Variants in STMN2 observed in about 807,000 individuals in gnomAD.
STMN2 encodes stathmin-2.
A neutral mutation model predicts 24.1 loss-of-function variants in STMN2; 2 were observed. The ratio of observed to expected loss-of-function variants is 0.08; its 90% CI spans 0.03 to 0.26. STMN2 has a LOEUF of 0.26. Ranked by LOEUF, STMN2 falls within the 10% of genes least tolerant of loss-of-function variation. STMN2 has a pLI of 1.00. For synonymous variants in STMN2, 83 were observed against 77.5 expected, an observed-to-expected ratio of 1.07 and a Z score of -0.37; for missense variants, 114 against 213.6, an observed-to-expected ratio of 0.53 and a Z score of 2.91.
chr8:79,657,195 C>T (rs577354966), intron 4 of STMN2, among the ~76,000 whole-genome samples: 215 of 152,248 alleles, frequency 1.4e-3, no homozygotes, highest in Non-Finnish European at 2.0e-3. Flanking sequence ...TTCTTGATTT[C>T]AATTGTAAAA....
intron 4 of STMN2, among the ~76,000 whole-genome samples, chr8:79,657,231 TCTAATATTTCCAGAAGTG>T (rs1279490317): frequency 6.6e-6 from 1 of 152,190 alleles, no homozygotes; most frequent in South Asian, 2.1e-4. Flanking sequence ...CCATATTTTA[TCTAATATTTCCAGAAGTG>T]CTAGCTTTTA....
rs1468763862 is a variant in STMN2, at chr8:79,641,371, T to G, written c.116-7T>G. On this transcript the variant is annotated splice_region_variant and splice_polypyrimidine_tract_variant and intron_variant, in intron 2 of 4. Transcript: ENST00000220876. ...ATGCTTAACATTCTCAAATGTTCAC[T>G]TTTCAGATATGGAAGTGAAGCAAAT... 6.2e-7 allele frequency: 1 copy of G among 1,611,774 alleles called. No individual in the cohort carries two copies. The highest frequency in any genetic ancestry group is 2.2e-5 in the East Asian group (1 of 44,860).
At chr8:79,620,270 T>A (rs965892165) in intron 1 of STMN2, among the ~76,000 whole-genome samples, 1 of 150,378 alleles carries the variant, frequency 6.6e-6, no homozygotes, top group African/African-American at 2.4e-5. Context: ...ATGTTATATA[T>A]CATGTATGTG....
intron 4 of STMN2, among the ~76,000 whole-genome samples, chr8:79,656,884 G>GTTTTTTTTTTTTTTTTTTTTTTTTTT (rs71266026): frequency 6.7e-6 from 1 of 150,206 alleles, no homozygotes; most frequent in Non-Finnish European, 1.5e-5. Context: ...TTGTTTGTTT[G>GTTTTTTTTTTTTTTTTTTTTTTTTTT]TTTTTTTGAG....
At chr8:79,620,069 C>G (rs1337843390) in intron 1 of STMN2, among the ~76,000 whole-genome samples, 1 of 151,092 alleles carries the variant, frequency 6.6e-6, no homozygotes, top group African/African-American at 2.4e-5. Context: ...GCATACTATA[C>G]AAGTTGTCTT....
chr8:79,624,408 T>G (rs893939641), intron 1 of STMN2, among the ~76,000 whole-genome samples: 1 of 139,412 alleles, frequency 7.2e-6, no homozygotes, highest in African/African-American at 2.7e-5. Context: ...GAGCCGAGAT[T>G]GTACCACTGC....
chr8:79,643,149 G>GTGTATATA (rs764308760), intron 3 of STMN2, among the ~76,000 whole-genome samples: 30 of 140,108 alleles, frequency 2.1e-4, no homozygotes, highest in Non-Finnish European at 3.1e-4. Flanking sequence ...ATGTGTGTGT[G>GTGTATATA]TATATATATA....
At chr8:79,664,716 G>C (rs994930666) in intron 4 of STMN2, 99 bp from the exon 5 acceptor site, 22 of 1,116,710 alleles carry the variant, frequency 2.0e-5, no homozygotes, top group Non-Finnish European at 2.5e-5. Flanking sequence ...ATTCATAAAA[G>C]TAGACACCAA....
chr8:79,639,927 C>T (rs949436533), intron 2 of STMN2, among the ~76,000 whole-genome samples: 2 of 152,188 alleles, frequency 1.3e-5, no homozygotes, highest in Non-Finnish European at 2.9e-5. Flanking sequence ...TGCGGCCGGG[C>T]GTGGTGGCTC....
chr8:79,658,586 T>C (rs1806429390), intron 4 of STMN2, among the ~76,000 whole-genome samples: 1 of 152,176 alleles, frequency 6.6e-6, no homozygotes, highest in African/African-American at 2.4e-5. Context: ...TCAAGGTCAC[T>C]ACACCATGCG....
At chr8:79,651,767 G>A (rs987842669) in intron 3 of STMN2, among the ~76,000 whole-genome samples, 4 of 152,224 alleles carry the variant, frequency 2.6e-5, no homozygotes, top group African/African-American at 9.6e-5. Context: ...CCTGTCTGAA[G>A]AGCAGCAGGC....
chr8:79,631,741 C>A (rs1809806153), intron 1 of STMN2, among the ~76,000 whole-genome samples: 1 of 152,112 alleles, frequency 6.6e-6, no homozygotes, highest in Non-Finnish European at 1.5e-5. Context: ...AATGGGATTA[C>A]ATATCTGACT....
chr8:79,638,857 C>T (rs1217678591), intron 2 of STMN2, among the ~76,000 whole-genome samples: 1 of 151,972 alleles, frequency 6.6e-6, no homozygotes, highest in Non-Finnish European at 1.5e-5. Context: ...ACCCCATCAC[C>T]TTATCAAATA....
intron 4 of STMN2, among the ~76,000 whole-genome samples, chr8:79,658,029 C>T (rs1184396422): frequency 6.6e-6 from 1 of 152,196 alleles, no homozygotes; most frequent in Admixed American, 6.5e-5. Context: ...GTGGCTCACA[C>T]CTGTAATCCC....
chr8:79,665,826 A>C lies in STMN2; in HGVS notation c.*952A>C, dbSNP rs1806585479. ...TGTGAGCTGGTTGTTGCATTAAAAC[A>C]CACATACAAACAAAATCAAAAACAC... On this transcript the variant is annotated 3_prime_UTR_variant, in exon 5 of 5. Coordinates refer to ENST00000220876, the MANE Select transcript of STMN2 (RefSeq NM_007029.4). 1 of 152,434 alleles carries C rather than the reference A, an allele frequency of 6.6e-6. No individual in the cohort carries two copies. 9.4% of individuals were successfully genotyped at this position (152,434 alleles called of 1,614,324 possible). A position where few individuals can be genotyped will look rare whatever the true frequency, so the allele number is the denominator to read the frequency against.
At chr8:79,611,570 C>A (rs1809220521) in intron 1 of STMN2, among the ~76,000 whole-genome samples, 1 of 123,074 alleles carries the variant, frequency 8.1e-6, no homozygotes, top group Non-Finnish European at 1.8e-5. Context: ...TGCTTTATAA[C>A]GACCTTTTTT....
intron 1 of STMN2, chr8:79,613,805 A>AT: frequency 1.0e-6 from 1 of 985,306 alleles, no homozygotes; most frequent in Non-Finnish European, 1.2e-6. Context: ...AAGCAAATAT[A>AT]TTTTTGCTTC....
chr8:79,637,958 G>T (rs1810005190), intron 2 of STMN2, among the ~76,000 whole-genome samples: 1 of 152,178 alleles, frequency 6.6e-6, no homozygotes, highest in Non-Finnish European at 1.5e-5. Flanking sequence ...CTAATTAACT[G>T]TTCCATAAGG....
At chr8:79,632,347 C>G (rs191326671) in intron 1 of STMN2, among the ~76,000 whole-genome samples, 1 of 152,274 alleles carries the variant, frequency 6.6e-6, no homozygotes, top group Admixed American at 6.5e-5. Context: ...CTGATTTTAT[C>G]CTTTATCCCC....
Sources: allele counts gnomAD v4.1 joint callset (sites outside exome capture counted in the v4.1 genomes callset), GRCh38; gene constraint gnomAD v4.1.1; transcripts MANE v1.5; gene names NCBI Gene and HGNC (gene_info 2026-07-23, HGNC 2026-07-21).